The following MID1 variants were observed in gnomAD, a reference collection of about 807,000 sequenced individuals.
MID1 encodes the protein E3 ubiquitin-protein ligase Midline-1.
In MID1, 7 loss-of-function variants were observed where a neutral mutation model predicts 40.4. That is an observed-to-expected ratio of 0.17 (90% CI 0.10 to 0.33). The LOEUF is 0.33. MID1 is among the 10% of genes least tolerant of loss of function. The pLI, the probability that MID1 is intolerant of heterozygous loss-of-function variation, is 1.00. For synonymous variants in MID1, 229 were observed against 221.2 expected (o/e 1.04, Z -0.31); for missense variants, 367 against 558.5 (o/e 0.66, Z 3.46).
chrX:10,689,697 AT>A (rs371993916), intron 1 of MID1, among the ~76,000 whole-genome samples: 4,252 of 99,305 alleles, frequency 0.043, 110 homozygotes, highest in African/African-American at 0.095. Context: ...AATGTTGTAG[AT>A]TTTTTTTTTT....
chrX:10,498,013 C>T (rs1931347665), intron 3 of MID1, among the ~76,000 whole-genome samples: 2 of 112,571 alleles, frequency 1.8e-5, no homozygotes, highest in Non-Finnish European at 3.7e-5. Context: ...AATCACTCAA[C>T]ATGCAGGTAA....
chrX:10,787,436 G>T (rs1471735579), intron 1 of MID1, among the ~76,000 whole-genome samples: 2 of 99,749 alleles, frequency 2.0e-5, no homozygotes, highest in East Asian at 3.4e-4. Flanking sequence ...ATAACCAAAA[G>T]AATTATTTTA....
intron 1 of MID1, among the ~76,000 whole-genome samples, chrX:10,743,194 G>GTTT (rs2043536300): frequency 8.9e-6 from 1 of 112,222 alleles, no homozygotes; most frequent in South Asian, 3.7e-4. Context: ...CTGGGTGGTT[G>GTTT]TTTTTATGAT....
intron 7 of MID1, among the ~76,000 whole-genome samples, chrX:10,461,207 T>C (rs1929019668): frequency 9.3e-6 from 1 of 107,461 alleles, no homozygotes; most frequent in Non-Finnish European, 1.9e-5. Context: ...TTTTTTTTTT[T>C]TTTCTCTAAC....
intron 1 of MID1, among the ~76,000 whole-genome samples, chrX:10,680,088 G>C (rs1202843393): frequency 8.9e-6 from 1 of 111,906 alleles, no homozygotes; most frequent in Non-Finnish European, 1.9e-5. Flanking sequence ...ATCAGCTATG[G>C]TCACATGGTA....
intron 1 of MID1, among the ~76,000 whole-genome samples, chrX:10,649,460 A>G (rs1936295426): frequency 8.9e-6 from 1 of 112,048 alleles, no homozygotes; most frequent in Non-Finnish European, 1.9e-5. Flanking sequence ...TCACATTACA[A>G]CATGTGAGCA....
chrX:10,771,105 GA>G (rs199974083), intron 1 of MID1, among the ~76,000 whole-genome samples: 5,175 of 66,127 alleles, frequency 0.078, 234 homozygotes, highest in African/African-American at 0.19. Flanking sequence ...TCTGTCTCAA[GA>G]AAAAAAAAAA....
In MID1 at chrX:10,690,446, G is replaced by T. The variant is rs568299904; in HGVS notation, c.-186-70027C>A. Among the ~76,000 whole-genome samples the T allele has an allele frequency of 6.2e-4, 70 of 112,190 alleles. 1 individual carries two copies. Among genetic ancestry groups the T allele is most frequent in the Non-Finnish European group, 1.1e-4 (6 of 53,291 alleles). On this transcript the variant is annotated intron_variant, in intron 1 of 10. Coordinates refer to the MID1 transcript ENST00000380785. ...ACTTTGTGACAATAAGGCTGTTAGC[G>T]TTATCCTTCTAAAATATGAATTCAA...
At chrX:10,458,647 T>G (rs1230137211) in intron 8 of MID1, among the ~76,000 whole-genome samples, 2 of 111,839 alleles carry the variant, frequency 1.8e-5, no homozygotes, top group Admixed American at 1.9e-4. Context: ...ACTAGCCATA[T>G]AGCTATATGG....
At chrX:10,559,256 T>C (rs1934241320) in intron 2 of MID1, among the ~76,000 whole-genome samples, 2 of 112,437 alleles carry the variant, frequency 1.8e-5, no homozygotes, top group Non-Finnish European at 3.7e-5. Context: ...TGTGCAATTA[T>C]TAAGTGTCCA....
intron 6 of MID1, among the ~76,000 whole-genome samples, chrX:10,474,148 C>T (rs940494472): frequency 5.4e-5 from 6 of 111,738 alleles, no homozygotes; most frequent in South Asian, 3.8e-4. Flanking sequence ...TCCAGCAAGA[C>T]GGCTGATCTC....
At chrX:10,825,777 T>C (rs2044211650) in intron 1 of MID1, among the ~76,000 whole-genome samples, 1 of 111,467 alleles carries the variant, frequency 9.0e-6, no homozygotes, top group Non-Finnish European at 1.9e-5. Flanking sequence ...CTTACAGAGA[T>C]CTTGGCTGTC....
At chrX:10,668,476 A>C (rs1274782474) in intron 1 of MID1, among the ~76,000 whole-genome samples, 4 of 112,307 alleles carry the variant, frequency 3.6e-5, no homozygotes, top group African/African-American at 1.3e-4. Flanking sequence ...TTTACAAATA[A>C]GGTAAAGTTC....
chrX:10,802,817 C>T (rs1477944037), intron 1 of MID1, among the ~76,000 whole-genome samples: 3 of 111,784 alleles, frequency 2.7e-5, no homozygotes, highest in Non-Finnish European at 5.6e-5. Context: ...AAATGTGGTA[C>T]ATTTACACCA....
intron 1 of MID1, among the ~76,000 whole-genome samples, chrX:10,700,513 A>G (rs1048430773): frequency 9.0e-6 from 1 of 111,478 alleles, no homozygotes; most frequent in Non-Finnish European, 1.9e-5. Flanking sequence ...TCATGGCACC[A>G]TTGCACTCCA....
At chrX:10,633,155 T>C (rs147592558) in intron 1 of MID1, among the ~76,000 whole-genome samples, 2,537 of 111,914 alleles carry the variant, frequency 0.023, 23 homozygotes, top group Non-Finnish European at 0.034. Context: ...TCCCTCTATC[T>C]GCCTAAAAGC....
At chrX:10,656,531 CT>C (rs2042873854) in intron 1 of MID1, among the ~76,000 whole-genome samples, 1 of 111,665 alleles carries the variant, frequency 9.0e-6, no homozygotes, top group African/African-American at 3.3e-5. Context: ...ACTTCACTCC[CT>C]CCTGCAAATA....
chrX:10,479,764 TC>T (rs1367119730), intron 5 of MID1, among the ~76,000 whole-genome samples: 1 of 112,095 alleles, frequency 8.9e-6, no homozygotes, highest in Non-Finnish European at 1.9e-5. Flanking sequence ...TTAGGTTGCT[TC>T]CAAATCTTAG....
intron 2 of MID1, among the ~76,000 whole-genome samples, chrX:10,549,715 GA>G (rs752531244): frequency 5.3e-5 from 6 of 113,041 alleles, no homozygotes; most frequent in Admixed American, 1.9e-4. Context: ...TAGTTTTGGG[GA>G]AACCCCAATG....
Sources: gnomAD v4.1 joint callset for allele counts (sites outside exome capture counted in the v4.1 genomes callset) on GRCh38, gnomAD v4.1.1 for gene constraint, MANE v1.5 for transcripts, NCBI Gene and HGNC (gene_info 2026-07-23, HGNC 2026-07-21) for gene names.